The following DIPK1A variants were observed in gnomAD, a reference collection of about 807,000 sequenced individuals.
DIPK1A encodes family with sequence similarity 69 member A.
In DIPK1A, 27 loss-of-function variants were observed where a neutral mutation model predicts 40.8. The observed-to-expected ratio is 0.66, with a 90% CI of 0.49 to 0.91. The LOEUF is 0.91. DIPK1A is among the 40% of genes least tolerant of loss of function. The pLI is 0.00. For missense variants in DIPK1A, 412 were observed against 505.7 expected, an observed-to-expected ratio of 0.81 and a Z score of 1.78; for synonymous variants, 166 against 171.3, an observed-to-expected ratio of 0.97 and a Z score of 0.24.
At chr1:92,949,433 C>T (rs1358038005) in intron 1 of DIPK1A, among the ~76,000 whole-genome samples, 1 of 152,020 alleles carries the variant, frequency 6.6e-6, no homozygotes, top group African/African-American at 2.4e-5. Flanking sequence ...CACCACCACA[C>T]CTAGCTAATT....
chr1:92,882,108 C>T (rs1648403272), intron 1 of DIPK1A, among the ~76,000 whole-genome samples: 1 of 152,156 alleles, frequency 6.6e-6, no homozygotes, highest in Admixed American at 6.5e-5. Flanking sequence ...AATTTTCTGG[C>T]CAGGTGTGGT....
At chr1:92,869,150 C>CAGT (rs1235927428) in intron 2 of DIPK1A, among the ~76,000 whole-genome samples, 5 of 55,566 alleles carry the variant, frequency 9.0e-5, no homozygotes, top group Middle Eastern at 7.1e-3. Flanking sequence ...ATAAATATTA[C>CAGT]ACTATTATTA....
intron 1 of DIPK1A, among the ~76,000 whole-genome samples, chr1:92,881,991 T>C (rs1252358085): frequency 6.6e-6 from 1 of 152,226 alleles, no homozygotes; most frequent in Non-Finnish European, 1.5e-5. Context: ...TAAAAATCTT[T>C]TTAACTGTAA....
chr1:92,837,807 A>G (rs1042505788), downstream of DIPK1A: 3 of 626,644 alleles, frequency 4.8e-6, no homozygotes, highest in African/African-American at 3.7e-5. Flanking sequence ...GACTTCAAGC[A>G]TCTGAAGATT....
intron 1 of DIPK1A, among the ~76,000 whole-genome samples, chr1:92,948,292 AC>A (rs1393980780): frequency 6.6e-6 from 1 of 152,130 alleles, no homozygotes; most frequent in African/African-American, 2.4e-5. Flanking sequence ...TGTCTGGAAA[AC>A]TGGAAGTTTT....
intron 3 of DIPK1A, among the ~76,000 whole-genome samples, chr1:92,849,348 G>GTT (rs71586765): frequency 1.2e-4 from 17 of 144,430 alleles, no homozygotes; most frequent in African/African-American, 3.3e-4. Context: ...GTTTTTTTTT[G>GTT]TTTTTTTTTT....
At position 92,844,131 on chromosome 1, in the gene DIPK1A, C is replaced by G. The variant is rs1432359171; in HGVS notation, c.539G>C (p.Gly180Ala). Residue 180 changes from glycine (G) to alanine (A), a missense_variant, in exon 5 of 5, where the codon GGA becomes GCA. By Grantham distance (60) the Gly-to-Ala change is moderately conservative (BLOSUM62 0). Coordinates refer to ENST00000370310, the MANE Select transcript of DIPK1A (RefSeq NM_001006605.5). The part of the protein sequence containing the change: ...LVNLILTVAD[G>A]DKDGQVSLGE... ...CAAGGAAACCTGGCCATCTTTGTCT[C>G]CATCAGCCACCGTCAAGATGAGATT... is the stretch of plus-strand genomic sequence containing the variant. 2 of 1,551,734 alleles carry G rather than the reference C, an allele frequency of 1.3e-6. No homozygotes were observed. Among genetic ancestry groups the G allele is most frequent in the African/African-American group, 2.7e-5 (2 of 73,160 alleles).
chr1:92,925,788 C>T (rs542681349), intron 1 of DIPK1A, among the ~76,000 whole-genome samples: 12 of 152,116 alleles, frequency 7.9e-5, no homozygotes, highest in Non-Finnish European at 8.8e-5. Context: ...GCCACCGTGC[C>T]AGGCCAAGAC....
At chr1:92,837,342 C>A, downstream of DIPK1A, 1 of 896,836 alleles carries the variant, frequency 1.1e-6, no homozygotes, top group Non-Finnish European at 1.9e-6. Context: ...CCTTTGGTTG[C>A]ATATGATGCG....
At chr1:92,904,585 A>T (rs1294458165) in intron 1 of DIPK1A, among the ~76,000 whole-genome samples, 1 of 152,150 alleles carries the variant, frequency 6.6e-6, no homozygotes, top group Non-Finnish European at 1.5e-5. Context: ...TTGTACAGGC[A>T]TGCAATGAAT....
chr1:92,952,603 G>A (rs1651676280), intron 1 of DIPK1A, among the ~76,000 whole-genome samples: 1 of 151,982 alleles, frequency 6.6e-6, no homozygotes, highest in East Asian at 1.9e-4. Flanking sequence ...TCCAGCCTGG[G>A]TAACAAAGCA....
At chr1:92,863,188 G>C (rs866034410) in intron 2 of DIPK1A, among the ~76,000 whole-genome samples, 5 of 152,092 alleles carry the variant, frequency 3.3e-5, no homozygotes, top group African/African-American at 1.2e-4. Context: ...TCAGGGCAGG[G>C]ATACCTCTCA....
At chr1:92,961,293 G>A in intron 1 of DIPK1A, 83 bp downstream of exon 1, 1 of 1,046,890 alleles carries the variant, frequency 9.6e-7, no homozygotes, top group Non-Finnish European at 1.3e-6. Context: ...GAGGGAGGAG[G>A]GGAGCGGGCG....
At position 92,897,642 on chromosome 1, in the gene DIPK1A, A is replaced by C. The variant is rs1242477068; in HGVS notation, c.55-21212T>G. 2.3e-5 allele frequency among the ~76,000 whole-genome samples: 3 copies of C among 132,902 alleles called. No homozygotes were observed. In the East Asian group the frequency reaches 7.6e-4, roughly 34 times the overall value. 87.2% of individuals were successfully genotyped at this position (132,902 alleles called of 152,430 possible). On this transcript the variant is annotated intron_variant, in intron 1 of 4. Coordinates refer to ENST00000370310, the MANE Select transcript of DIPK1A (RefSeq NM_001006605.5). ...TGCACGTTGTGCACATGTACCCTAA[A>C]ACTTAAAGTATAATAAAAAAAAAAT...
At chr1:92,844,238 C>G (rs1259944576) in intron 4 of DIPK1A, 43 bp from the exon 5 acceptor site, 2 of 1,233,360 alleles carry the variant, frequency 1.6e-6, no homozygotes, top group East Asian at 5.1e-5. Context: ...ATGAAAAATA[C>G]CTCCCATGCA....
At chr1:92,923,881 GAAACAAAACA>G (rs941931136) in intron 1 of DIPK1A, among the ~76,000 whole-genome samples, 2 of 151,274 alleles carry the variant, frequency 1.3e-5, no homozygotes, top group African/African-American at 2.4e-5. Context: ...GGAATATTTC[GAAACAAAACA>G]AAACAAAACA....
intron 2 of DIPK1A, among the ~76,000 whole-genome samples, chr1:92,866,234 TGCGATTATA>T (rs1194411422): frequency 2.0e-5 from 3 of 152,230 alleles, no homozygotes; most frequent in Non-Finnish European, 4.4e-5. Context: ...CCTGAGTAGC[TGCGATTATA>T]GGCATGTGCC....
intron 1 of DIPK1A, among the ~76,000 whole-genome samples, chr1:92,912,690 TA>T: frequency 6.6e-6 from 1 of 152,272 alleles, no homozygotes; most frequent in East Asian, 1.9e-4. Flanking sequence ...CAAGTGGTTA[TA>T]AAAAACTAAA....
chr1:92,928,686 G>T (rs1650616093), intron 1 of DIPK1A, among the ~76,000 whole-genome samples: 2 of 152,222 alleles, frequency 1.3e-5, no homozygotes, highest in African/African-American at 2.4e-5. Flanking sequence ...TAGAGGCTGG[G>T]TATGGTGGCA....
Sources: allele counts gnomAD v4.1 joint callset (sites outside exome capture counted in the v4.1 genomes callset), GRCh38; gene constraint gnomAD v4.1.1; transcripts MANE v1.5; gene names NCBI Gene and HGNC (gene_info 2026-07-23, HGNC 2026-07-21).